The following HECTD4 variants were observed in gnomAD, a reference collection of about 807,000 sequenced individuals.
HECTD4 encodes the protein probable E3 ubiquitin-protein ligase HECTD4.
In HECTD4, 114 loss-of-function variants were observed where a neutral mutation model predicts 471.5. That is an observed-to-expected ratio of 0.24 (90% CI 0.21 to 0.28). HECTD4 has a LOEUF of 0.28. Ranked by LOEUF, HECTD4 falls within the 10% of genes least tolerant of loss-of-function variation. The pLI is 1.00. For synonymous variants in HECTD4, 2,012 were observed against 2,256.0 expected, an observed-to-expected ratio of 0.89 and a Z score of 3.07; for missense variants, 3,866 against 5,651.5, an observed-to-expected ratio of 0.68 and a Z score of 10.13.
intron 27 of HECTD4, among the ~76,000 whole-genome samples, chr12:112,247,864 G>A (rs967976254): frequency 6.6e-6 from 1 of 151,902 alleles, no homozygotes; most frequent in African/African-American, 2.4e-5. Context: ...ACAACCTAAT[G>A]AGTAATTATT....
intron 23 of HECTD4, among the ~76,000 whole-genome samples, chr12:112,251,540 A>G (rs2033887426): frequency 6.6e-6 from 1 of 152,294 alleles, no homozygotes; most frequent in African/African-American, 2.4e-5. Flanking sequence ...CATTCAAGAA[A>G]TATTTACTGG....
At chr12:112,191,960 G>C (rs953780859) in intron 59 of HECTD4, among the ~76,000 whole-genome samples, 2 of 152,212 alleles carry the variant, frequency 1.3e-5, no homozygotes, top group African/African-American at 4.8e-5. Context: ...GGAGGCCTGT[G>C]ATGAGGATTT....
intron 1 of HECTD4, among the ~76,000 whole-genome samples, chr12:112,321,452 CACACTGAA>C (rs2035582851): frequency 6.6e-6 from 1 of 152,140 alleles, no homozygotes; most frequent in Non-Finnish European, 1.5e-5. Flanking sequence ...TAGGAGCAAG[CACACTGAA>C]ACAGATTATC....
intron 40 of HECTD4, among the ~76,000 whole-genome samples, chr12:112,230,097 C>T (rs1341709176): frequency 6.6e-6 from 1 of 152,178 alleles, no homozygotes; most frequent in South Asian, 2.1e-4. Flanking sequence ...GAGAATCAAA[C>T]ATCATGTCAC....
intron 9 of HECTD4, 63 bp from the exon 10 acceptor site, chr12:112,275,023 A>G: frequency 1.9e-6 from 2 of 1,026,642 alleles, no homozygotes; most frequent in Non-Finnish European, 1.4e-6. Flanking sequence ...TTTAAATTTT[A>G]GGCTTTTAAC....
intron 62 of HECTD4, among the ~76,000 whole-genome samples, chr12:112,181,442 G>A (rs1189855525): frequency 2.6e-5 from 4 of 152,058 alleles, no homozygotes. Flanking sequence ...TCCTACCTCT[G>A]AGGGAACATT....
chr12:112,317,375 A>T (rs2035500347), intron 2 of HECTD4, among the ~76,000 whole-genome samples: 1 of 152,220 alleles, frequency 6.6e-6, no homozygotes, highest in African/African-American at 2.4e-5. Context: ...CTTGAGATTC[A>T]ATCATTTGAA....
intron 1 of HECTD4, among the ~76,000 whole-genome samples, chr12:112,333,728 C>T (rs963425531): frequency 2.0e-5 from 3 of 152,118 alleles, no homozygotes; most frequent in Non-Finnish European, 4.4e-5. Flanking sequence ...GATAGAAAAA[C>T]ATCAAATGTT....
chr12:112,361,621 C>G (rs2036452043), intron 1 of HECTD4, among the ~76,000 whole-genome samples: 1 of 152,064 alleles, frequency 6.6e-6, no homozygotes, highest in Non-Finnish European at 1.5e-5. Flanking sequence ...AATTGAAATT[C>G]TGATAGGTGG....
chr12:112,247,979 C>A, intron 27 of HECTD4, 88 bp downstream of exon 27: 1 of 331,180 alleles, frequency 3.0e-6, no homozygotes, highest in Non-Finnish European at 5.5e-6. Context: ...ATTTTACCTA[C>A]ACACACACAC....
At chr12:112,211,979 G>C (rs966576282) in intron 49 of HECTD4, among the ~76,000 whole-genome samples, 1 of 152,140 alleles carries the variant, frequency 6.6e-6, no homozygotes, top group Non-Finnish European at 1.5e-5. Context: ...GGATGTGGGA[G>C]CTACCAGCAT....
At position 112,284,524 on chromosome 12, in the gene HECTD4, A is replaced by G. The variant is rs969490635; in HGVS notation, c.1336-1222T>C. On this transcript the variant is annotated intron_variant, in intron 7 of 75. Coordinates refer to ENST00000682272, the MANE Select transcript of HECTD4 (RefSeq NM_001388303.1). ...GGAGCACAGCCAGGAAAGATTCCCA[A>G]AGGTGGGTGTACGTAGTGGGGGAGT... is the stretch of plus-strand genomic sequence containing the variant. 3.3e-5 allele frequency among the ~76,000 whole-genome samples: 5 copies of G among 152,236 alleles called. No homozygotes were observed. In the South Asian group the frequency reaches 1.0e-3, roughly 32 times the overall value.
intron 7 of HECTD4, among the ~76,000 whole-genome samples, chr12:112,299,286 G>A (rs996859792): frequency 2.0e-5 from 3 of 151,804 alleles, no homozygotes; most frequent in Admixed American, 1.3e-4. Flanking sequence ...TTAAAAATAC[G>A]GACATTTTCT....
chr12:112,249,700 C>CT (rs2033836415), intron 25 of HECTD4: 2 of 178,178 alleles, frequency 1.1e-5, no homozygotes, highest in Non-Finnish European at 2.4e-5. Context: ...CATTAGAGAA[C>CT]TCCTCACCAT....
At chr12:112,312,932 T>A (rs2035399876) in intron 4 of HECTD4, 85 bp downstream of exon 4, 1 of 1,075,082 alleles carries the variant, frequency 9.3e-7, no homozygotes, top group Non-Finnish European at 1.4e-6. Context: ...CATACAGAGT[T>A]ATAGCCATAT....
At chr12:112,250,098 C>CT (rs531305361) in intron 25 of HECTD4, 46 bp downstream of exon 25, 80 of 1,403,082 alleles carry the variant, frequency 5.7e-5, no homozygotes, top group Non-Finnish European at 7.7e-5. Flanking sequence ...ATTGTTTAAA[C>CT]TTTTTTTTCC....
intron 66 of HECTD4, 43 bp downstream of exon 66, chr12:112,175,693 T>G: frequency 1.3e-6 from 2 of 1,592,912 alleles, no homozygotes; most frequent in Non-Finnish European, 1.7e-6. Flanking sequence ...TGAAAACAAT[T>G]TCTATGCAAG....
At chr12:112,374,003 CAAA>C (rs1007853408) in intron 1 of HECTD4, among the ~76,000 whole-genome samples, 3 of 60,886 alleles carry the variant, frequency 4.9e-5, no homozygotes, top group Non-Finnish European at 1.1e-4. Context: ...GACTCTGTCT[CAAA>C]AAAAAAAAAA....
chr12:112,357,858 T>C (rs906050592), intron 1 of HECTD4, among the ~76,000 whole-genome samples: 2 of 152,256 alleles, frequency 1.3e-5, no homozygotes, highest in Non-Finnish European at 2.9e-5. Context: ...AAACTGCTAC[T>C]ACCATGTATT....
Sources: allele counts gnomAD v4.1 joint callset (sites outside exome capture counted in the v4.1 genomes callset), GRCh38; gene constraint gnomAD v4.1.1; transcripts MANE v1.5; gene names NCBI Gene and HGNC (gene_info 2026-07-23, HGNC 2026-07-21).